MAPK14: variants seen among roughly 807,000 people sequenced by gnomAD.
MAPK14 encodes mitogen-activated protein kinase 14.
MAPK14 carries 16 observed loss-of-function variants against 49.6 expected under a neutral mutation model. The observed-to-expected ratio is 0.32, with a 90% CI of 0.22 to 0.49. MAPK14 has a LOEUF of 0.49. Ranked by LOEUF, MAPK14 falls within the 20% of genes least tolerant of loss-of-function variation. The pLI, the probability that MAPK14 is intolerant of heterozygous loss-of-function variation, is 0.99. For synonymous variants in MAPK14, 142 were observed against 158.0 expected, an observed-to-expected ratio of 0.90 and a Z score of 0.76; for missense variants, 200 against 441.2, an observed-to-expected ratio of 0.45 and a Z score of 4.90.
downstream of MAPK14, among the ~76,000 whole-genome samples, chr6:36,112,639 T>C (rs762007516): frequency 6.6e-6 from 1 of 152,214 alleles, no homozygotes; most frequent in Non-Finnish European, 1.5e-5. Context: ...CCTCTTGATA[T>C]TTTGATATTC....
chr6:36,120,917 A>G, the MAPK14 span, among the ~76,000 whole-genome samples: 1 of 152,168 alleles, frequency 6.6e-6, no homozygotes. Flanking sequence ...GAAAAATAAG[A>G]CACTCGTGCC....
chr6:36,102,343 G>T (rs780673462), intron 9 of MAPK14, among the ~76,000 whole-genome samples: 2 of 114,290 alleles, frequency 1.7e-5, no homozygotes, highest in Non-Finnish European at 3.6e-5. Flanking sequence ...GAGCATTCTC[G>T]TTCACTTGAA....
intron 2 of MAPK14, among the ~76,000 whole-genome samples, chr6:36,053,593 A>G (rs962924640): frequency 6.6e-6 from 1 of 152,188 alleles, no homozygotes; most frequent in South Asian, 2.1e-4. Context: ...TGTGACTGCT[A>G]TATGAAGGGT....
intron 3 of MAPK14, among the ~76,000 whole-genome samples, chr6:36,071,237 G>A (rs914342950): frequency 2.0e-5 from 3 of 151,956 alleles, no homozygotes; most frequent in Admixed American, 1.3e-4. Context: ...GGAGGCTGAG[G>A]CACGAGAATC....
At chr6:36,105,777 C>A (rs1192917862) in intron 10 of MAPK14, among the ~76,000 whole-genome samples, 1 of 152,140 alleles carries the variant, frequency 6.6e-6, no homozygotes, top group Non-Finnish European at 1.5e-5. Context: ...AGGAAGCTGT[C>A]CTCTTCACTA....
At chr6:36,063,165 G>A (rs1405069539) in intron 3 of MAPK14, among the ~76,000 whole-genome samples, 2 of 152,114 alleles carry the variant, frequency 1.3e-5, no homozygotes, top group Admixed American at 6.5e-5. Context: ...TCTATATGGT[G>A]TATCTTGTTG....
At chr6:36,052,984 A>G (rs1396801089) in intron 2 of MAPK14, among the ~76,000 whole-genome samples, 156 bp downstream of exon 2, 2 of 152,050 alleles carry the variant, frequency 1.3e-5, no homozygotes, top group East Asian at 1.9e-4. Context: ...ATGTCAGGTC[A>G]AAGACTTGGA....
chr6:36,060,253 G>A (rs1230746256), intron 3 of MAPK14, among the ~76,000 whole-genome samples: 1 of 152,146 alleles, frequency 6.6e-6, no homozygotes, highest in Non-Finnish European at 1.5e-5. Flanking sequence ...ATTGGCAAGG[G>A]TTGCCACGTA....
At chr6:36,097,171 G>C (rs1390778568) in intron 9 of MAPK14, 2 of 152,242 alleles carry the variant, frequency 1.3e-5, no homozygotes, top group Non-Finnish European at 2.9e-5. Flanking sequence ...CCAAAGCCCA[G>C]TGTATTTCTG....
chr6:36,116,145 A>G (rs776262912), downstream of MAPK14, among the ~76,000 whole-genome samples: 3 of 152,132 alleles, frequency 2.0e-5, no homozygotes, highest in Non-Finnish European at 2.9e-5. Flanking sequence ...GCATAGCTAC[A>G]TAAAAGAAAT....
intron 1 of MAPK14, chr6:36,029,068 T>C (rs1285066421): frequency 3.9e-5 from 6 of 152,120 alleles, no homozygotes. Flanking sequence ...CATTTAAGTA[T>C]TGTTCGACAA....
chr6:36,095,312 G>A (rs1765401571), intron 8 of MAPK14, among the ~76,000 whole-genome samples: 1 of 152,194 alleles, frequency 6.6e-6, no homozygotes, highest in African/African-American at 2.4e-5. Context: ...CTGTATTTGC[G>A]TTCTCATGGC....
intron 2 of MAPK14, among the ~76,000 whole-genome samples, chr6:36,053,182 T>A (rs892462894): frequency 2.0e-5 from 3 of 148,404 alleles, no homozygotes; most frequent in Non-Finnish European, 4.5e-5. Context: ...GGCTATATTA[T>A]GAGAATATGG....
At chr6:36,103,374 C>G (rs947734317) in intron 10 of MAPK14, among the ~76,000 whole-genome samples, 2 of 151,874 alleles carry the variant, frequency 1.3e-5, no homozygotes, top group African/African-American at 4.8e-5. Flanking sequence ...GGGTCTCGCT[C>G]TTTTACCCAG....
intron 1 of MAPK14, among the ~76,000 whole-genome samples, chr6:36,042,463 A>G (rs1762997755): frequency 6.8e-6 from 1 of 147,862 alleles, no homozygotes; most frequent in African/African-American, 2.5e-5. Context: ...TTAAAGCTTC[A>G]GTGAAGGAAT....
chr6:36,030,916 T>C (rs1266914001), intron 1 of MAPK14, among the ~76,000 whole-genome samples: 3 of 152,184 alleles, frequency 2.0e-5, no homozygotes, highest in Non-Finnish European at 4.4e-5. Context: ...TGTATGACAA[T>C]TGACAATAAA....
intron 10 of MAPK14, among the ~76,000 whole-genome samples, chr6:36,106,843 A>G (rs2127476270): frequency 6.6e-6 from 1 of 152,188 alleles, no homozygotes; most frequent in Middle Eastern, 3.4e-3. Context: ...TAAAACCCCC[A>G]GTTTATTCAC....
intron 10 of MAPK14, among the ~76,000 whole-genome samples, chr6:36,106,124 G>T (rs1581855672): frequency 1.3e-5 from 2 of 152,276 alleles, no homozygotes; most frequent in Admixed American, 1.3e-4. Flanking sequence ...TTAGTAGTGG[G>T]ACAGATGGCC....
intron 9 of MAPK14, among the ~76,000 whole-genome samples, chr6:36,101,159 G>A (rs1287619645): frequency 2.6e-5 from 4 of 152,296 alleles, no homozygotes; most frequent in Admixed American, 6.5e-5. Context: ...GAAGCGGAAG[G>A]CTGGGTGTGG....
Sources: allele counts gnomAD v4.1 joint callset (sites outside exome capture counted in the v4.1 genomes callset), GRCh38; gene constraint gnomAD v4.1.1; transcripts MANE v1.5; gene names NCBI Gene and HGNC (gene_info 2026-07-23, HGNC 2026-07-21).